The following HSPH1 variants were observed in gnomAD, a reference collection of about 807,000 sequenced individuals.
HSPH1 encodes the protein heat shock protein 105 kDa.
A neutral mutation model predicts 100.0 loss-of-function variants in HSPH1; 40 were observed. That is an observed-to-expected ratio of 0.40 (90% CI 0.31 to 0.52). The LOEUF is 0.52. HSPH1 is among the 20% of genes least tolerant of loss of function. The pLI is 0.54. For missense variants in HSPH1, 876 were observed against 1,015.1 expected, an observed-to-expected ratio of 0.86 and a Z score of 1.86; for synonymous variants, 403 against 344.0, an observed-to-expected ratio of 1.17 and a Z score of -1.90.
chr13:31,139,225 G>A (rs1000616798), intron 14 of HSPH1, 118 bp from the exon 15 acceptor site: 1 of 677,680 alleles, frequency 1.5e-6, no homozygotes, highest in African/African-American at 1.8e-5. Flanking sequence ...CTCTGATTTG[G>A]CTTCTCTGCC....
At position 31,135,250 on chromosome 13, in the gene HSPH1, T is replaced by C. The variant is rs1431123198; in HGVS notation, c.*2068A>G. 1 of 152,138 alleles carries C rather than the reference T, an allele frequency of 6.6e-6. No homozygotes were observed. Among genetic ancestry groups the C allele is most frequent in the Non-Finnish European group, 1.5e-5 (1 of 68,022 alleles). The allele number at this position is 152,138 out of a possible 1,614,324, so 9.4% of individuals were successfully genotyped here. Reference sequence around the variant, plus strand: ...CTCCCTCCCGTCATCAGGTTCTATTTTAGGACAGGAGGAAAAACATGTTTT... The same window carrying C: ...CTCCCTCCCGTCATCAGGTTCTATTCTAGGACAGGAGGAAAAACATGTTTT... On this transcript the variant is annotated 3_prime_UTR_variant, in exon 18 of 18. Transcript: ENST00000320027.
intron 7 of HSPH1, 30 bp downstream of exon 7, chr13:31,150,917 T>C: frequency 6.3e-7 from 1 of 1,577,970 alleles, no homozygotes; most frequent in Non-Finnish European, 8.6e-7. Flanking sequence ...AGAAGTTCCA[T>C]CTATTTAATC....
At chr13:31,142,769 T>C (rs138417509) in intron 12 of HSPH1, among the ~76,000 whole-genome samples, 189 of 152,238 alleles carry the variant, frequency 1.2e-3, no homozygotes, top group African/African-American at 4.1e-3. Context: ...CCCAATGTCA[T>C]GTTCTAGACA....
At position 31,158,815 on chromosome 13, in the gene HSPH1, G is replaced by T; in HGVS notation, c.156C>A (p.Ala52=). ...CTCTTAAAGAACATACCTGATTTTT[G>T]GCTGCAACTCCGATTGTTCTATTTT... The part of the protein sequence containing the change: ...GSKNRTIGVA[A]KNQQITHANN... The change falls in exon 2 of 18, where the codon GCC becomes GCA. Residue 52 remains alanine (A), a synonymous_variant. Transcript: ENST00000320027. 1 of 1,603,040 alleles carries T rather than the reference G, an allele frequency of 6.2e-7. No homozygotes were observed. The highest frequency in any genetic ancestry group is 8.5e-7 in the Non-Finnish European group (1 of 1,170,428).
intron 2 of HSPH1, among the ~76,000 whole-genome samples, chr13:31,157,708 AC>A (rs1178047089): frequency 1.3e-5 from 2 of 152,160 alleles, no homozygotes; most frequent in African/African-American, 4.8e-5. Context: ...CGTATCTTTT[AC>A]TGTTTTTCTC....
intron 2 of HSPH1, among the ~76,000 whole-genome samples, chr13:31,156,902 G>A (rs1956719130): frequency 6.6e-6 from 1 of 151,998 alleles, no homozygotes; most frequent in African/African-American, 2.4e-5. Flanking sequence ...AAATATTTTA[G>A]GTAAACTCTA....
intron 2 of HSPH1, among the ~76,000 whole-genome samples, chr13:31,156,118 C>T (rs1253439539): frequency 1.3e-5 from 2 of 152,154 alleles, no homozygotes; most frequent in Admixed American, 1.3e-4. Flanking sequence ...TGGCCAGGCG[C>T]GGTGGCTCAC....
At chr13:31,141,388 G>T in intron 12 of HSPH1, 129 bp from the exon 13 acceptor site, 2 of 691,858 alleles carry the variant, frequency 2.9e-6, no homozygotes, top group Non-Finnish European at 4.6e-6. Context: ...AAGTTGGAAG[G>T]ATCTACAGGA....
At position 31,143,845 on chromosome 13, in the gene HSPH1, G is replaced by C. The variant is rs1956182131; in HGVS notation, c.1663C>G (p.Pro555Ala). The change falls in exon 12 of 18, where the codon CCC (proline) becomes GCC (alanine). Residue 555 changes from proline (P) to alanine (A), a missense_variant. Pro to Ala is a conservative substitution (Grantham distance 27, BLOSUM62 -1). Coordinates refer to ENST00000320027, the MANE Select transcript of HSPH1 (RefSeq NM_006644.4). ...TCTGAGGTAAGTTCAGGTGAAGGGG[G>C]AGACTGTGAGGTTTGTTGAGCATCA... ...QTDAQQTSQS[P>A]PSPELTSEEN... 6.2e-7 allele frequency: 1 copy of C among 1,611,884 alleles called. No individual in the cohort carries two copies. Among genetic ancestry groups the C allele is most frequent in the Non-Finnish European group, 8.5e-7 (1 of 1,178,728 alleles).
At chr13:31,154,461 T>A (rs927096187) in intron 4 of HSPH1, 172 bp downstream of exon 4, 5 of 754,118 alleles carry the variant, frequency 6.6e-6, no homozygotes, top group Non-Finnish European at 1.1e-5. Context: ...CGCTTCTGGC[T>A]AAAAATATCA....
At chr13:31,143,617 AG>A (rs1483305916) in intron 12 of HSPH1, among the ~76,000 whole-genome samples, 174 bp downstream of exon 12, 10 of 152,184 alleles carry the variant, frequency 6.6e-5, no homozygotes, top group Non-Finnish European at 1.5e-5. Context: ...CCCTTAATTG[AG>A]CTTGAATACC....
rs535160882 is a variant in HSPH1 at position 31,160,229 on chromosome 13, A to G, written c.107+1247T>C. Among the ~76,000 whole-genome samples the G allele has an allele frequency of 5.3e-5, 8 of 152,204 alleles. No homozygotes were observed. The South Asian group carries it at 8.3e-4, about 16-fold the overall frequency. ...GTATCTAGGCATGAAAGCCTGAAAT[A>G]CTGTTTTCTTTCTTACTAAACTCCA... On this transcript the variant is annotated intron_variant, in intron 1 of 17. Transcript: ENST00000320027.
rs1955915641 is a variant in HSPH1 at position 31,137,315 on chromosome 13, T to G, written c.*3A>C. The G allele has an allele frequency of 6.3e-7, 1 of 1,580,544 alleles. No individual in the cohort carries two copies. The highest frequency in any genetic ancestry group is 8.7e-7 in the Non-Finnish European group (1 of 1,153,658). The stretch of plus-strand genomic sequence containing the variant: ...TTGAAGGAATAGGCCAATTTAAGGT[T>G]ATCTAGTCCAAGTCCATATTAACAG... On this transcript the variant is annotated 3_prime_UTR_variant, in exon 18 of 18. Transcript: ENST00000320027.
At position 31,138,916 on chromosome 13, in the gene HSPH1, ATAAAT is replaced by A. The variant is rs1565994132; in HGVS notation, c.2089-21_2089-17del. 1 of 1,586,904 alleles carries A rather than the reference ATAAAT, an allele frequency of 6.3e-7. No individual in the cohort carries two copies. Among genetic ancestry groups the A allele is most frequent in the Non-Finnish European group, 8.6e-7 (1 of 1,164,350 alleles). On this transcript the variant is annotated splice_polypyrimidine_tract_variant and intron_variant, in intron 15 of 17. Transcript: ENST00000320027. ...TGCCAATTTTCTAAAATAAAATGTA[ATAAAT>A]TAATAGTTATCATAATTTTATTTTA...
chr13:31,153,558 G>A (rs1394717598), intron 4 of HSPH1, among the ~76,000 whole-genome samples: 4 of 152,154 alleles, frequency 2.6e-5, no homozygotes, highest in Admixed American at 6.5e-5. Context: ...ACTGACTTGA[G>A]CTATTCTAGT....
At chr13:31,157,684 CAA>C (rs888590685) in intron 2 of HSPH1, among the ~76,000 whole-genome samples, 2 of 152,142 alleles carry the variant, frequency 1.3e-5, no homozygotes, top group Non-Finnish European at 1.5e-5. Flanking sequence ...AAGAGCCTCT[CAA>C]AGAGCATTTC....
In HSPH1 at chr13:31,135,738, A is replaced by C. The variant is rs539131012; in HGVS notation, c.*1580T>G. On this transcript the variant is annotated 3_prime_UTR_variant, in exon 18 of 18. Transcript: ENST00000320027. ...CAGAGCTGAGGAAATAAACCTCAGCAGTCAAGTGTTACTAAACCTCATAGT... is the reference window on the plus strand; with the variant it reads ...CAGAGCTGAGGAAATAAACCTCAGCCGTCAAGTGTTACTAAACCTCATAGT... 6.6e-6 allele frequency: 1 copy of C among 152,384 alleles called. No individual in the cohort carries two copies. Among genetic ancestry groups the C allele is most frequent in the Non-Finnish European group, 1.5e-5 (1 of 68,038 alleles). The allele number at this position is 152,384 out of a possible 1,614,324, so 9.4% of individuals were successfully genotyped here. A position where few individuals can be genotyped will look rare whatever the true frequency, so the allele number is the denominator to read the frequency against.
rs372315916 is a variant in HSPH1, at chr13:31,138,946, A to T, written c.2089-46T>A. The T allele has an allele frequency of 2.5e-6, 4 of 1,577,224 alleles. No individual in the cohort carries two copies. The African/African-American group carries it at 4.1e-5, about 16-fold the overall frequency. On this transcript the variant is annotated intron_variant, in intron 15 of 17. Transcript: ENST00000320027. The stretch of plus-strand genomic sequence containing the variant: ...TTAATAGTTATCATAATTTTATTTT[A>T]AAGTCTATAGTTTAAAACACAAGTA...
chr13:31,157,430 T>C (rs1476102685), intron 2 of HSPH1, among the ~76,000 whole-genome samples: 1 of 152,184 alleles, frequency 6.6e-6, no homozygotes, highest in Non-Finnish European at 1.5e-5. Context: ...AACCTACATA[T>C]TCAAAGGATT....
Sources: gnomAD v4.1 joint callset for allele counts (sites outside exome capture counted in the v4.1 genomes callset) on GRCh38, gnomAD v4.1.1 for gene constraint, MANE v1.5 for transcripts, NCBI Gene and HGNC (gene_info 2026-07-23, HGNC 2026-07-21) for gene names.